MAF: variants seen among roughly 807,000 people sequenced by gnomAD.
MAF encodes transcription factor Maf.
In MAF, 10 loss-of-function variants were observed where a neutral mutation model predicts 22.0. That is an observed-to-expected ratio of 0.45 (90% CI 0.28 to 0.77). The LOEUF (loss-of-function observed/expected upper bound fraction) is 0.77. MAF is among the 30% of genes least tolerant of loss of function. MAF has a pLI of 0.12. For missense variants in MAF, 544 were observed against 548.4 expected (o/e 0.99, Z 0.08); for synonymous variants, 337 against 255.8 (o/e 1.32, Z -3.03).
the MAF span, among the ~76,000 whole-genome samples, chr16:79,364,308 G>C: frequency 0.31 from 46,422 of 152,074 alleles, 8,454 homozygotes; most frequent in Non-Finnish European, 0.42. Context: ...AGACAACAAA[G>C]TTGGGGGACC....
At chr16:79,266,701 T>A in the MAF span, among the ~76,000 whole-genome samples, 1 of 152,114 alleles carries the variant, frequency 6.6e-6, no homozygotes, top group Non-Finnish European at 1.5e-5. Flanking sequence ...GAGTGATGGA[T>A]TGGGCTGGGT....
the MAF span, among the ~76,000 whole-genome samples, chr16:79,306,826 C>T: frequency 3.3e-5 from 5 of 152,164 alleles, no homozygotes; most frequent in African/African-American, 7.2e-5. Context: ...GGACAAGCTA[C>T]GTACATTTCT....
At chr16:79,482,608 T>C in the MAF span, among the ~76,000 whole-genome samples, 1 of 152,092 alleles carries the variant, frequency 6.6e-6, no homozygotes, top group Non-Finnish European at 1.5e-5. Context: ...CCACACATCA[T>C]CAAACTTTCA....
At chr16:79,284,896 C>G in the MAF span, among the ~76,000 whole-genome samples, 1,942 of 152,244 alleles carry the variant, frequency 0.013, 38 homozygotes, top group African/African-American at 0.033. Context: ...TGAAAATCAG[C>G]TCTCCCCCCA....
At chr16:79,449,094 T>C in the MAF span, among the ~76,000 whole-genome samples, 2 of 152,180 alleles carry the variant, frequency 1.3e-5, no homozygotes, top group South Asian at 2.1e-4. Context: ...TAGATCCTCA[T>C]AAGGAGCATG....
At chr16:79,481,540 C>T in the MAF span, among the ~76,000 whole-genome samples, 1 of 152,036 alleles carries the variant, frequency 6.6e-6, no homozygotes, top group African/African-American at 2.4e-5. Flanking sequence ...AATTCATCCA[C>T]CCATTGACTA....
chr16:79,239,829 C>T, the MAF span, among the ~76,000 whole-genome samples: 5 of 151,964 alleles, frequency 3.3e-5, no homozygotes, highest in African/African-American at 1.2e-4. Context: ...CAATGCCCAG[C>T]CATGGCAGGG....
chr16:79,436,844 TG>T, the MAF span, among the ~76,000 whole-genome samples: 215 of 152,332 alleles, frequency 1.4e-3, 1 homozygote, highest in African/African-American at 4.8e-3. Flanking sequence ...ACCCAGCATC[TG>T]GAGAGTCTGC....
chr16:79,457,442 A>C, the MAF span, among the ~76,000 whole-genome samples: 5 of 151,544 alleles, frequency 3.3e-5, no homozygotes, highest in African/African-American at 9.7e-5. Flanking sequence ...ACTACAAGGA[A>C]TGAAACGACT....
the MAF span, among the ~76,000 whole-genome samples, chr16:79,469,377 C>T: frequency 6.6e-6 from 1 of 152,128 alleles, no homozygotes; most frequent in Non-Finnish European, 1.5e-5. Context: ...GGGATTCAGA[C>T]AGATCTTGTT....
the MAF span, among the ~76,000 whole-genome samples, chr16:79,439,605 C>A: frequency 6.6e-6 from 1 of 152,136 alleles, no homozygotes; most frequent in Non-Finnish European, 1.5e-5. Flanking sequence ...GATAAGAAAA[C>A]AAAGGTTCCA....
chr16:79,443,495 A>G, the MAF span, among the ~76,000 whole-genome samples: 21 of 152,334 alleles, frequency 1.4e-4, no homozygotes, highest in Admixed American at 1.4e-3. Context: ...CTGAGGGATA[A>G]GGAACTTCTT....
At chr16:79,391,088 AC>A in the MAF span, among the ~76,000 whole-genome samples, 1 of 152,156 alleles carries the variant, frequency 6.6e-6, no homozygotes, top group Admixed American at 6.5e-5. Flanking sequence ...AGGTGGAAGC[AC>A]CTTGTTCCAT....
chr16:79,372,575 G>T, the MAF span, among the ~76,000 whole-genome samples: 1 of 152,286 alleles, frequency 6.6e-6, no homozygotes, highest in East Asian at 1.9e-4. Context: ...TAATGTCTTA[G>T]CCGTGGTGAC....
chr16:79,282,382 C>A, the MAF span, among the ~76,000 whole-genome samples: 4 of 152,144 alleles, frequency 2.6e-5, no homozygotes, highest in Non-Finnish European at 5.9e-5. Flanking sequence ...ATAAAAACAG[C>A]AGAACCAGAA....
the MAF span, among the ~76,000 whole-genome samples, chr16:79,556,033 T>TA: frequency 2.0e-4 from 31 of 151,810 alleles, no homozygotes; most frequent in Non-Finnish European, 3.5e-4. Flanking sequence ...TAGTTTAGTT[T>TA]GTTTAGTTTA....
the MAF span, among the ~76,000 whole-genome samples, chr16:79,367,586 A>C: frequency 2.0e-4 from 30 of 152,124 alleles, no homozygotes; most frequent in African/African-American, 7.2e-4. Context: ...GTCCAATGCA[A>C]CTCTCTGCAG....
At chr16:79,591,522 T>C (rs1913189207), downstream of MAF, among the ~76,000 whole-genome samples, 2 of 152,212 alleles carry the variant, frequency 1.3e-5, no homozygotes, top group Non-Finnish European at 2.9e-5. Flanking sequence ...AAACGAATTG[T>C]GTTGAACAAG....
At chr16:79,251,584 T>TGAGATTACA in the MAF span, among the ~76,000 whole-genome samples, 10,593 of 152,268 alleles carry the variant, frequency 0.07, 502 homozygotes, top group Middle Eastern at 0.12. Context: ...CCCAAAGTGC[T>TGAGATTACA]GGCATGAGCC....
Sources: gnomAD v4.1 joint callset for allele counts (sites outside exome capture counted in the v4.1 genomes callset) on GRCh38, gnomAD v4.1.1 for gene constraint, MANE v1.5 for transcripts, NCBI Gene and HGNC (gene_info 2026-07-23, HGNC 2026-07-21) for gene names.